Variants in TAS1R2 observed in about 807,000 individuals in gnomAD.
TAS1R2 encodes the protein taste 1 receptor member 2.
In TAS1R2, 47 loss-of-function variants were observed where a neutral mutation model predicts 49.3. The ratio of observed to expected loss-of-function variants is 0.95; its 90% CI spans 0.75 to 1.22. The LOEUF (loss-of-function observed/expected upper bound fraction) is 1.22, where lower values mean the gene tolerates loss of function less well. TAS1R2 is among the 50% of genes most tolerant of loss of function. The pLI, the probability that TAS1R2 is intolerant of heterozygous loss-of-function variation, is 0.00. For synonymous variants in TAS1R2, 479 were observed against 467.9 expected (o/e 1.02, Z -0.31); for missense variants, 1,155 against 1,122.1 (o/e 1.03, Z -0.42).
intron 2 of TAS1R2, among the ~76,000 whole-genome samples, chr1:18,856,501 T>C (rs34465168): frequency 0.31 from 47,599 of 152,110 alleles, 7,613 homozygotes; most frequent in Middle Eastern, 0.35. Flanking sequence ...ATTGTTTACA[T>C]TTATTTTCTG....
In TAS1R2 at chr1:18,840,501, TC is replaced by T; in HGVS notation, c.1617del (p.Asn540IlefsTer46). 6.2e-7 allele frequency: 1 copy of T among 1,614,182 alleles called. No individual in the cohort carries two copies. Among genetic ancestry groups the T allele is most frequent in the Non-Finnish European group, 8.5e-7 (1 of 1,180,048 alleles). On this transcript the variant is annotated frameshift_variant, in exon 6 of 6. Transcript: ENST00000375371. LOFTEE classifies it low-confidence loss of function (END_TRUNC). ...TCACTCTGGTAGGACCACTCGTTAT[TC>T]GGGCAGGCCTGGCATTCATATTCAT...
intron 2 of TAS1R2, among the ~76,000 whole-genome samples, chr1:18,856,574 T>A (rs112600980): frequency 3.9e-4 from 59 of 152,358 alleles, no homozygotes; most frequent in African/African-American, 1.3e-3. Flanking sequence ...GCCAGCTGTA[T>A]CCCAGCACCT....
chr1:18,839,765 C>A (rs1483233427), exon 6 of TAS1R2: 4 of 1,614,200 alleles, frequency 2.5e-6, no homozygotes, highest in African/African-American at 2.7e-5. Context: ...GACCAGCACC[C>A]CGCTGTAGGC....
At chr1:18,843,228 A>G (rs1933858575) in intron 4 of TAS1R2, among the ~76,000 whole-genome samples, 1 of 152,198 alleles carries the variant, frequency 6.6e-6, no homozygotes, top group Non-Finnish European at 1.5e-5. Context: ...ACACCGTGGT[A>G]ATTGGACCTG....
chr1:18,849,199 G>A (rs574072814), intron 4 of TAS1R2, 142 bp downstream of exon 4: 27 of 896,966 alleles, frequency 3.0e-5, no homozygotes, highest in East Asian at 1.1e-4. Flanking sequence ...GACCCCAGAC[G>A]ATACACCCAC....
At chr1:18,839,934 G>T in exon 6 of TAS1R2, 1 of 1,614,242 alleles carries the variant, frequency 6.2e-7, no homozygotes, top group African/African-American at 1.3e-5. Flanking sequence ...GTGTTGAACA[G>T]CAGGCTGTTG....
At chr1:18,843,846 A>C (rs1933870382) in intron 4 of TAS1R2, among the ~76,000 whole-genome samples, 1 of 152,220 alleles carries the variant, frequency 6.6e-6, no homozygotes. Flanking sequence ...TCTTATAGAG[A>C]GGCAGGAATA....
chr1:18,844,476 G>A (rs183589829), intron 4 of TAS1R2, among the ~76,000 whole-genome samples: 1 of 152,338 alleles, frequency 6.6e-6, no homozygotes, highest in East Asian at 1.9e-4. Context: ...TCCCAGCCAG[G>A]CACCGTGGCT....
At chr1:18,840,061 C>G (rs140129025) in exon 6 of TAS1R2, 145 of 1,614,086 alleles carry the variant, frequency 9.0e-5, no homozygotes, top group Non-Finnish European at 1.1e-4. Flanking sequence ...TTTTGAGTAC[C>G]GTGATAAATG....
intron 4 of TAS1R2, among the ~76,000 whole-genome samples, chr1:18,847,941 G>T (rs1211427572): frequency 6.6e-6 from 1 of 152,202 alleles, no homozygotes; most frequent in Non-Finnish European, 1.5e-5. Context: ...GAGAGAGCTT[G>T]TGCAGGGAAA....
intron 4 of TAS1R2, among the ~76,000 whole-genome samples, chr1:18,845,328 G>C (rs1209245992): frequency 6.6e-6 from 1 of 152,202 alleles, no homozygotes; most frequent in African/African-American, 2.4e-5. Context: ...AGGACCCCCT[G>C]CAAGGTGGGG....
chr1:18,843,784 G>A (rs958770591), intron 4 of TAS1R2, among the ~76,000 whole-genome samples: 9 of 152,208 alleles, frequency 5.9e-5, no homozygotes, highest in African/African-American at 2.2e-4. Context: ...GGGCCATCAT[G>A]GAAATTGAGT....
intron 5 of TAS1R2, 60 bp downstream of exon 5, chr1:18,841,669 C>G (rs1933825884): frequency 6.4e-7 from 1 of 1,574,452 alleles, no homozygotes; most frequent in Non-Finnish European, 8.7e-7. Flanking sequence ...CTAGAGACTC[C>G]AGGGGCAGGG....
chr1:18,857,813 A>C (rs988459357), intron 1 of TAS1R2, among the ~76,000 whole-genome samples, 182 bp from the exon 2 acceptor site: 13 of 152,108 alleles, frequency 8.5e-5, no homozygotes, highest in South Asian at 4.1e-4. Flanking sequence ...CTCTAGGGTC[A>C]CCATTGCCCA....
chr1:18,841,905 G>C, intron 4 of TAS1R2, 53 bp from the exon 5 acceptor site: 14 of 1,491,860 alleles, frequency 9.4e-6, no homozygotes, highest in Non-Finnish European at 1.3e-5. Flanking sequence ...CATTCTGGGG[G>C]CCCCCTCCCC....
Position 18,854,753 on chromosome 1 carries a change from C to T in TAS1R2, c.717G>A (p.Thr239=), listed in dbSNP as rs367592757. The T allele has an allele frequency of 3.7e-6, 6 of 1,610,576 alleles. No individual in the cohort carries two copies. The highest frequency in any genetic ancestry group is 2.2e-5 in the South Asian group (2 of 90,892). Residue 239 remains threonine, a synonymous_variant, in exon 3 of 6, where the codon ACG becomes ACA. Transcript: ENST00000375371. This position sits in a 1 kb window ranked among gnomAD's most constrained non-coding sequence, Gnocchi z 4.9. Reference sequence around the variant, plus strand: ...TCTGGTTGGGCTGCAGTGTGGGCAGCGTCTCCTGGAAGGCGATGCAGATGT... The same window carrying T: ...TCTGGTTGGGCTGCAGTGTGGGCAGTGTCTCCTGGAAGGCGATGCAGATGT...
intron 3 of TAS1R2, among the ~76,000 whole-genome samples, chr1:18,850,839 A>G (rs1029723984): frequency 4.7e-4 from 72 of 152,234 alleles, no homozygotes; most frequent in African/African-American, 1.7e-3. Context: ...TAAGCTGTAC[A>G]TTTAAGGCAG....
chr1:18,844,669 T>A (rs114411418), intron 4 of TAS1R2, among the ~76,000 whole-genome samples: 7,577 of 152,118 alleles, frequency 0.05, 517 homozygotes, highest in African/African-American at 0.15. Context: ...CAGGAGAATC[T>A]CTTGATCCCT....
rs1239091210 is a variant in TAS1R2 at position 18,854,237 on chromosome 1, G to C, written c.1233C>G (p.Thr411=). ...CCTGCCAGGGGTAGACCACCCTCTT[G>C]GTGCAGGTGCTTTTGTCACAGCCGA... Residue 411 remains threonine (T), a synonymous_variant, in exon 3 of 6, where the codon ACC becomes ACG. Transcript: ENST00000375371. The surrounding 1 kb of genome is among the most constrained non-coding windows in gnomAD (Gnocchi z 4.9). 2 of 1,613,720 alleles carry C rather than the reference G, an allele frequency of 1.2e-6. No homozygotes were observed. Among genetic ancestry groups the C allele is most frequent in the Admixed American group, 3.3e-5 (2 of 59,986 alleles).
Sources: gnomAD v4.1 joint callset for allele counts (sites outside exome capture counted in the v4.1 genomes callset) on GRCh38, gnomAD v4.1.1 for gene constraint, Gnocchi (gnomAD v3.1) non-coding constraint, MANE v1.5 for transcripts, NCBI Gene and HGNC (gene_info 2026-07-23, HGNC 2026-07-21) for gene names.